Variants in FSD1L observed in about 807,000 individuals in gnomAD.
FSD1L encodes the protein fibronectin type III and SPRY domain containing 1 like, also known as FSD1-like protein.
Under a neutral mutation model 71.6 loss-of-function variants are expected in FSD1L, and 45 were observed. The ratio of observed to expected loss-of-function variants is 0.63; its 90% CI spans 0.49 to 0.81. The LOEUF is 0.81. Among genes scored for constraint, FSD1L ranks in the 30% least tolerant of loss-of-function variants. FSD1L has a pLI of 0.00. For missense variants in FSD1L, 561 were observed against 618.1 expected (o/e 0.91, Z 0.98); for synonymous variants, 197 against 207.2 (o/e 0.95, Z 0.42).
At chr9:105,525,751 T>C in intron 10 of FSD1L, 1 of 1,603,422 alleles carries the variant, frequency 6.2e-7, no homozygotes, top group Non-Finnish European at 8.5e-7. Flanking sequence ...AAGTCAAGCA[T>C]ATGAAGATTT....
chr9:105,542,437 A>G (rs368156727), intron 13 of FSD1L, among the ~76,000 whole-genome samples: 35 of 152,076 alleles, frequency 2.3e-4, no homozygotes, highest in African/African-American at 7.2e-4. Context: ...TTAGGACTTA[A>G]TTGTTTTCTT....
chr9:105,509,892 G>A (rs1285929823), intron 9 of FSD1L, among the ~76,000 whole-genome samples: 2 of 152,092 alleles, frequency 1.3e-5, no homozygotes, highest in African/African-American at 4.8e-5. Flanking sequence ...TCATATGTAG[G>A]CAGATAATCT....
intron 9 of FSD1L, among the ~76,000 whole-genome samples, chr9:105,512,099 C>G (rs1487046271): frequency 1.3e-5 from 2 of 152,074 alleles, no homozygotes; most frequent in East Asian, 3.8e-4. Context: ...AAGCTTATAC[C>G]TTGCTTCACT....
intron 10 of FSD1L, among the ~76,000 whole-genome samples, chr9:105,519,872 C>A (rs1490536958): frequency 1.3e-5 from 2 of 152,186 alleles, no homozygotes; most frequent in African/African-American, 4.8e-5. Flanking sequence ...CCGGGTCTAC[C>A]TCGCTCCGTG....
intron 10 of FSD1L, among the ~76,000 whole-genome samples, chr9:105,527,733 A>G (rs1283320275): frequency 1.3e-5 from 2 of 151,938 alleles, no homozygotes; most frequent in South Asian, 2.1e-4. Flanking sequence ...GAAAACCAGC[A>G]CAAGACAAGG....
At chr9:105,447,324 C>CAA (rs35514046), upstream of FSD1L, among the ~76,000 whole-genome samples, 3,189 of 60,720 alleles carry the variant, frequency 0.053, 190 homozygotes, top group African/African-American at 0.1. Flanking sequence ...ACTCCATCTC[C>CAA]AAAAAAAAAA....
intron 7 of FSD1L, among the ~76,000 whole-genome samples, chr9:105,497,440 GTACTTTT>G (rs1475367194): frequency 6.6e-6 from 1 of 152,206 alleles, no homozygotes; most frequent in Non-Finnish European, 1.5e-5. Flanking sequence ...GAGAGTTAGT[GTACTTTT>G]GTCCTGAAAA....
intron 6 of FSD1L, 78 bp from the exon 7 acceptor site, chr9:105,484,303 C>T (rs1259049660): frequency 9.1e-7 from 1 of 1,101,984 alleles, no homozygotes; most frequent in Non-Finnish European, 1.2e-6. Context: ...TATAATTTGT[C>T]TTTTCATTTT....
intron 7 of FSD1L, among the ~76,000 whole-genome samples, chr9:105,504,734 A>G (rs1159468760): frequency 2.6e-5 from 4 of 152,226 alleles, no homozygotes; most frequent in Non-Finnish European, 4.4e-5. Flanking sequence ...AATACCTAAT[A>G]CAATGTAACC....
chr9:105,489,496 A>T (rs1462471021), intron 7 of FSD1L, among the ~76,000 whole-genome samples: 1 of 151,510 alleles, frequency 6.6e-6, no homozygotes, highest in African/African-American at 2.4e-5. Flanking sequence ...TTGCAGTTTT[A>T]TGTTTTTTTA....
intron 10 of FSD1L, among the ~76,000 whole-genome samples, chr9:105,515,834 G>A (rs1185480786): frequency 6.6e-6 from 1 of 151,182 alleles, no homozygotes; most frequent in African/African-American, 2.4e-5. Context: ...GAACACCAGT[G>A]AGACAGAACC....
intron 11 of FSD1L, 73 bp from the exon 12 acceptor site, chr9:105,534,994 G>T: frequency 6.9e-7 from 1 of 1,453,574 alleles, no homozygotes; most frequent in Admixed American, 2.1e-5. Flanking sequence ...CTTTTTTTGG[G>T]ACGAGTGGTA....
At chr9:105,495,414 T>C (rs1424327506) in intron 7 of FSD1L, among the ~76,000 whole-genome samples, 1 of 152,134 alleles carries the variant, frequency 6.6e-6, no homozygotes, top group African/African-American at 2.4e-5. Flanking sequence ...ACCCCTTTCT[T>C]TGACTAGGAT....
chr9:105,545,009 AC>A (rs1435294678), intron 13 of FSD1L, among the ~76,000 whole-genome samples: 1 of 152,102 alleles, frequency 6.6e-6, no homozygotes, highest in African/African-American at 2.4e-5. Context: ...TCTATAAATT[AC>A]CTTGGGCAGT....
intron 10 of FSD1L, chr9:105,522,991 C>T (rs1203369663): frequency 6.2e-7 from 1 of 1,614,104 alleles, no homozygotes; most frequent in Non-Finnish European, 8.5e-7. Flanking sequence ...CATTCGGATT[C>T]TTTCAGCGCT....
At chr9:105,495,154 C>T (rs182061554) in intron 7 of FSD1L, among the ~76,000 whole-genome samples, 202 of 152,336 alleles carry the variant, frequency 1.3e-3, no homozygotes, top group African/African-American at 4.6e-3. Context: ...GGGCTCCACC[C>T]AGTTTGAGCT....
intron 10 of FSD1L, chr9:105,522,297 C>G: frequency 1.2e-6 from 2 of 1,613,764 alleles, no homozygotes; most frequent in Non-Finnish European, 1.7e-6. Context: ...TAGTTTGGAT[C>G]TCAGTGATTT....
At chr9:105,533,099 T>C (rs1589097322) in intron 10 of FSD1L, among the ~76,000 whole-genome samples, 1 of 152,278 alleles carries the variant, frequency 6.6e-6, no homozygotes, top group East Asian at 1.9e-4. Flanking sequence ...TAGAAAAAAG[T>C]GTTTTTATTT....
intron 13 of FSD1L, among the ~76,000 whole-genome samples, chr9:105,540,073 ATGGT>A (rs1836510706): frequency 6.6e-6 from 1 of 152,106 alleles, no homozygotes; most frequent in East Asian, 1.9e-4. Flanking sequence ...GTTTTCTGAA[ATGGT>A]TGGTTATGCT....
Sources: gnomAD v4.1 joint callset for allele counts (sites outside exome capture counted in the v4.1 genomes callset) on GRCh38, gnomAD v4.1.1 for gene constraint, MANE v1.5 for transcripts, NCBI Gene and HGNC (gene_info 2026-07-23, HGNC 2026-07-21) for gene names.